The following DEPTOR variants were observed in gnomAD, a reference collection of about 807,000 sequenced individuals.
DEPTOR encodes DEP domain-containing mTOR-interacting protein.
Under a neutral mutation model 41.6 loss-of-function variants are expected in DEPTOR, and 41 were observed. The ratio of observed to expected loss-of-function variants is 0.98; its 90% confidence interval spans 0.77 to 1.28. The LOEUF (loss-of-function observed/expected upper bound fraction) is 1.28, where lower values mean the gene tolerates loss of function less well. Among genes scored for constraint, DEPTOR ranks in the 50% most tolerant of loss-of-function variants. The pLI is 0.00. For synonymous variants in DEPTOR, 195 were observed against 192.3 expected, an observed-to-expected ratio of 1.01 and a Z score of -0.12; for missense variants, 514 against 527.9, an observed-to-expected ratio of 0.97 and a Z score of 0.26.
rs543735555 is a variant in DEPTOR, at chr8:120,037,995, G to A, written c.1102-11581G>A. Among the ~76,000 whole-genome samples, 5 of 152,166 alleles carry A rather than the reference G, an allele frequency of 3.3e-5. No individual in the cohort carries two copies. The East Asian group carries it at 7.7e-4, about 24-fold the overall frequency. On this transcript the variant is annotated intron_variant, in intron 8 of 8. Coordinates refer to ENST00000286234, the MANE Select transcript of DEPTOR (RefSeq NM_022783.4). ...GTTCTTAAGAAATTCTGCTGGGCCC[G>A]GTGGCTCACATCTATAATCCTAGCA...
chr8:119,931,714 A>G (rs1828045904), intron 3 of DEPTOR, among the ~76,000 whole-genome samples: 1 of 152,152 alleles, frequency 6.6e-6, no homozygotes, highest in Non-Finnish European at 1.5e-5. Context: ...ACTCACATGA[A>G]TTTGAATGGA....
chr8:119,920,053 TA>T (rs1378176207), intron 1 of DEPTOR, among the ~76,000 whole-genome samples: 2 of 152,084 alleles, frequency 1.3e-5, no homozygotes, highest in Non-Finnish European at 2.9e-5. Flanking sequence ...ACCTTGAATC[TA>T]AAGCCTGTGA....
At chr8:119,991,088 T>TTCTTTCTTTTTCTTTCTTTC (rs1368002570) in intron 4 of DEPTOR, among the ~76,000 whole-genome samples, 1 of 45,796 alleles carries the variant, frequency 2.2e-5, no homozygotes, top group African/African-American at 6.7e-5. Flanking sequence ...CTTTCTTTCT[T>TTCTTTCTTTTTCTTTCTTTC]TTTCTTTCTT....
chr8:119,918,938 AGTGTGTGT>A (rs751715374), intron 1 of DEPTOR, among the ~76,000 whole-genome samples: 9 of 133,444 alleles, frequency 6.7e-5, no homozygotes, highest in Non-Finnish European at 1.5e-4. Flanking sequence ...TTGCATAGTG[AGTGTGTGT>A]GTGTGTGTGT....
intron 1 of DEPTOR, among the ~76,000 whole-genome samples, chr8:119,902,978 A>G (rs1827614275): frequency 6.6e-6 from 1 of 152,220 alleles, no homozygotes; most frequent in Non-Finnish European, 1.5e-5. Flanking sequence ...GAAATGTACT[A>G]AAATTGTGTG....
intron 1 of DEPTOR, among the ~76,000 whole-genome samples, chr8:119,882,518 CCAAGTATCTGAGACT>C (rs902802170): frequency 2.6e-4 from 39 of 152,016 alleles, no homozygotes; most frequent in African/African-American, 9.2e-4. Flanking sequence ...CCTCAACCTC[CCAAGTATCTGAGACT>C]CAAGTATCTG....
chr8:119,948,906 G>A (rs1464362293), intron 3 of DEPTOR, among the ~76,000 whole-genome samples: 2 of 152,008 alleles, frequency 1.3e-5, no homozygotes, highest in Non-Finnish European at 2.9e-5. Context: ...TCCTGCCCCA[G>A]CCTCCCAAAT....
Position 120,025,980 on chromosome 8 carries a change from C to G in DEPTOR, c.1101+16847C>G, listed in dbSNP as rs1313617817. ...CCAGTGGTAGCTTTCTCTCTTAGGA[C>G]TTTTGATTTTTTTTTTTTTTTCTGA... On this transcript the variant is annotated intron_variant, in intron 8 of 8. Transcript: ENST00000286234. Among the ~76,000 whole-genome samples the G allele has an allele frequency of 3.4e-5, 4 of 116,622 alleles. No homozygotes were observed. The East Asian group carries it at 1.0e-3, about 30-fold the overall frequency. 76.5% of individuals were successfully genotyped at this position (116,622 alleles called of 152,430 possible). A position where few individuals can be genotyped will look rare whatever the true frequency, so the allele number is the denominator to read the frequency against.
chr8:120,006,969 C>T, intron 7 of DEPTOR, 94 bp downstream of exon 7: 1 of 1,188,624 alleles, frequency 8.4e-7, no homozygotes, highest in Non-Finnish European at 1.2e-6. Flanking sequence ...GAAATGAAAA[C>T]TACTTTTCTA....
chr8:120,031,101 G>C (rs1812884489), intron 8 of DEPTOR, among the ~76,000 whole-genome samples: 1 of 152,226 alleles, frequency 6.6e-6, no homozygotes, highest in South Asian at 2.1e-4. Context: ...GGCCCAAGGT[G>C]GGAGGATCAC....
At chr8:119,917,494 G>A (rs990686274) in intron 1 of DEPTOR, among the ~76,000 whole-genome samples, 2 of 152,206 alleles carry the variant, frequency 1.3e-5, no homozygotes, top group Non-Finnish European at 2.9e-5. Context: ...GGCTGTGCAA[G>A]ATGTGCTTTG....
chr8:119,910,545 C>T (rs990467314), intron 1 of DEPTOR, among the ~76,000 whole-genome samples: 12 of 151,884 alleles, frequency 7.9e-5, no homozygotes, highest in Non-Finnish European at 1.6e-4. Context: ...CTCCGCCTCC[C>T]GGTTTCAAAC....
chr8:120,033,999 G>A (rs892640498), intron 8 of DEPTOR, among the ~76,000 whole-genome samples: 10 of 152,180 alleles, frequency 6.6e-5, no homozygotes, highest in Admixed American at 3.3e-4. Flanking sequence ...CTCAGGAGGT[G>A]GAGGCTGCAG....
rs954714068 is a variant in DEPTOR at position 119,873,787 on chromosome 8, C to A, written c.-60C>A. 73 of 1,599,756 alleles carry A rather than the reference C, an allele frequency of 4.6e-5. 1 individual carries two copies. The African/African-American group carries it at 8.9e-4, about 20-fold the overall frequency. On this transcript the variant is annotated 5_prime_UTR_variant, in exon 1 of 9. Transcript: ENST00000286234. ...GAAGCGTCTGTGAGGGCAGACTGATCCGAGCACCCAAACCCTCGGCGGACA... is the reference window on the plus strand; with the variant it reads ...GAAGCGTCTGTGAGGGCAGACTGATACGAGCACCCAAACCCTCGGCGGACA...
At chr8:120,026,074 C>A (rs891845651) in intron 8 of DEPTOR, among the ~76,000 whole-genome samples, 8 of 151,426 alleles carry the variant, frequency 5.3e-5, no homozygotes, top group Admixed American at 2.6e-4. Context: ...GCAACCTCTG[C>A]CTCCCGGGTT....
At chr8:119,908,776 G>A (rs138093167) in intron 1 of DEPTOR, among the ~76,000 whole-genome samples, 1 of 152,202 alleles carries the variant, frequency 6.6e-6, no homozygotes, top group Admixed American at 6.5e-5. Flanking sequence ...GAATCAAGCT[G>A]TTTGTCCCTG....
intron 1 of DEPTOR, among the ~76,000 whole-genome samples, chr8:119,922,991 A>C (rs571157336): frequency 6.6e-6 from 1 of 150,970 alleles, no homozygotes; most frequent in East Asian, 1.9e-4. Context: ...TTCTTGAAAC[A>C]CCATCCCCGA....
intron 1 of DEPTOR, among the ~76,000 whole-genome samples, chr8:119,880,478 C>T (rs190845548): frequency 2.1e-4 from 32 of 152,198 alleles, no homozygotes; most frequent in African/African-American, 7.0e-4. Flanking sequence ...TGATAAGCTA[C>T]AATACTGTTC....
chr8:119,894,490 G>A (rs1360869738), intron 1 of DEPTOR, among the ~76,000 whole-genome samples: 2 of 151,652 alleles, frequency 1.3e-5, no homozygotes, highest in African/African-American at 4.8e-5. Context: ...TCCGCCTCCT[G>A]GGTTCACGGC....
Sources: allele counts gnomAD v4.1 joint callset (sites outside exome capture counted in the v4.1 genomes callset), GRCh38; gene constraint gnomAD v4.1.1; transcripts MANE v1.5; gene names NCBI Gene and HGNC (gene_info 2026-07-23, HGNC 2026-07-21).